Variants in IGFBPL1 observed in about 807,000 individuals in gnomAD.
IGFBPL1 encodes insulin like growth factor binding protein like 1.
In IGFBPL1, 20 loss-of-function variants were observed where a neutral mutation model predicts 23.9. The observed-to-expected ratio is 0.84, with a 90% CI of 0.59 to 1.22. The LOEUF is 1.22. Ranked by LOEUF, IGFBPL1 falls within the 50% of genes most tolerant of loss-of-function variation. IGFBPL1 has a pLI of 0.00. For missense variants in IGFBPL1, 436 were observed against 379.3 expected (o/e 1.15, Z -1.24); for synonymous variants, 184 against 171.8 (o/e 1.07, Z -0.56).
In IGFBPL1 at chr9:38,422,738, C is replaced by T. The variant is rs184386318; in HGVS notation, c.460+1227G>A. Among the ~76,000 whole-genome samples the T allele has an allele frequency of 5.3e-5, 8 of 152,350 alleles. No individual in the cohort carries two copies. In the East Asian group the frequency reaches 1.5e-3, roughly 29 times the overall value. On this transcript the variant is annotated intron_variant, in intron 1 of 4. Coordinates refer to ENST00000377694, the MANE Select transcript of IGFBPL1 (RefSeq NM_001007563.3). ...ACTTTCCTGTGCTCAACTGGCCACA[C>T]ACTGGTTTTACATTTCCCAGGACTG...
intron 1 of IGFBPL1, among the ~76,000 whole-genome samples, chr9:38,421,643 C>T (rs1256293454): frequency 7.9e-5 from 12 of 152,160 alleles, no homozygotes; most frequent in African/African-American, 2.9e-4. Context: ...TTTCCTTCAA[C>T]CGGGATCCCC....
chr9:38,422,168 C>T (rs1247993210), intron 1 of IGFBPL1, among the ~76,000 whole-genome samples: 4 of 152,240 alleles, frequency 2.6e-5, no homozygotes, highest in Non-Finnish European at 5.9e-5. Context: ...CAAAAGAGCA[C>T]TGGACAGGGT....
At chr9:38,420,969 T>A (rs1821670335) in intron 1 of IGFBPL1, among the ~76,000 whole-genome samples, 1 of 151,984 alleles carries the variant, frequency 6.6e-6, no homozygotes, top group African/African-American at 2.4e-5. Flanking sequence ...GAAGGAGACC[T>A]CCCCAGGACA....
chr9:38,419,133 G>GA (rs1422957820), intron 1 of IGFBPL1, among the ~76,000 whole-genome samples: 3 of 151,982 alleles, frequency 2.0e-5, no homozygotes, highest in East Asian at 3.9e-4. Flanking sequence ...TGGCTGGAAT[G>GA]AAAAAATCTT....
intron 4 of IGFBPL1, 32 bp downstream of exon 4, chr9:38,411,358 TG>T (rs1821510606): frequency 6.3e-7 from 1 of 1,578,590 alleles, no homozygotes; most frequent in African/African-American, 1.4e-5. Flanking sequence ...ATAACATGGG[TG>T]TAAAATACTG....
In IGFBPL1 at chr9:38,407,270, A is replaced by T. The variant is rs1391643458; in HGVS notation, c.*1957T>A. Reference sequence around the variant, plus strand: ...TTTCAAAGAGAGCTTCCAGTGTTTTAAAGTTTGAAAACCACTCATCTAGTT... The same window carrying T: ...TTTCAAAGAGAGCTTCCAGTGTTTTTAAGTTTGAAAACCACTCATCTAGTT... On this transcript the variant is annotated 3_prime_UTR_variant, in exon 5 of 5. Transcript: ENST00000377694. 6.6e-6 allele frequency among the ~76,000 whole-genome samples: 1 copy of T among 152,238 alleles called. No homozygotes were observed. The highest frequency in any genetic ancestry group is 1.5e-5 in the Non-Finnish European group (1 of 68,032).
At chr9:38,420,708 G>A (rs1008072920) in intron 1 of IGFBPL1, among the ~76,000 whole-genome samples, 1 of 152,150 alleles carries the variant, frequency 6.6e-6, no homozygotes, top group African/African-American at 2.4e-5. Flanking sequence ...GTGGTGGTGG[G>A]CGCCTGTAGT....
chr9:38,419,881 TCC>T (rs1821652311), intron 1 of IGFBPL1, among the ~76,000 whole-genome samples: 1 of 128,832 alleles, frequency 7.8e-6, no homozygotes, highest in Non-Finnish European at 1.8e-5. Context: ...CTCCTCCTCC[TCC>T]TCCTCCTCCT....
At chr9:38,414,642 G>C (rs770675858) in intron 1 of IGFBPL1, among the ~76,000 whole-genome samples, 2 of 152,174 alleles carry the variant, frequency 1.3e-5, no homozygotes, top group African/African-American at 2.4e-5. Context: ...CGTGGAGGGT[G>C]TTAGGAAGAA....
At chr9:38,417,108 C>A (rs1367065925) in intron 1 of IGFBPL1, among the ~76,000 whole-genome samples, 1 of 152,194 alleles carries the variant, frequency 6.6e-6, no homozygotes, top group Non-Finnish European at 1.5e-5. Flanking sequence ...ACAGCGCTCG[C>A]TGTGTGCTAA....
At chr9:38,409,238 AG>A (rs1821476517) in intron 4 of IGFBPL1, 21 bp from the exon 5 acceptor site, 1 of 152,230 alleles carries the variant, frequency 6.6e-6, no homozygotes, top group Non-Finnish European at 1.5e-5. Flanking sequence ...AAGGAGAGAA[AG>A]AATTAGAGAA....
rs115492856 is a variant in IGFBPL1 at position 38,407,123 on chromosome 9, G to A, written c.*2104C>T. Among the ~76,000 whole-genome samples the A allele has an allele frequency of 9.0e-3, 1,374 of 152,286 alleles. 18 individuals are homozygous for A. The highest frequency in any genetic ancestry group is 0.031 in the African/African-American group (1,296 of 41,542). ...CACATGGAAGTCAGTCACAGTGCGT[G>A]GAGAAGGGAGGGGCGGGAGGGGCTG... On this transcript the variant is annotated 3_prime_UTR_variant, in exon 5 of 5. Coordinates refer to ENST00000377694, the MANE Select transcript of IGFBPL1 (RefSeq NM_001007563.3).
intron 2 of IGFBPL1, 65 bp downstream of exon 2, chr9:38,414,025 CCTCT>C: frequency 3.4e-6 from 3 of 887,968 alleles, no homozygotes; most frequent in South Asian, 2.8e-5. Context: ...TCTGTTTCTC[CCTCT>C]TTCTCACACA....
chr9:38,416,787 G>A (rs917147209), intron 1 of IGFBPL1, among the ~76,000 whole-genome samples: 1 of 151,210 alleles, frequency 6.6e-6, no homozygotes, highest in Non-Finnish European at 1.5e-5. Flanking sequence ...CAATCCTCCT[G>A]CCTCAGCCTC....
At chr9:38,419,698 C>T (rs769742394) in intron 1 of IGFBPL1, among the ~76,000 whole-genome samples, 1 of 152,148 alleles carries the variant, frequency 6.6e-6, no homozygotes, top group Non-Finnish European at 1.5e-5. Flanking sequence ...AACTATCCAG[C>T]CTTTAAAGTA....
Position 38,407,807 on chromosome 9 carries a change from A to G in IGFBPL1, c.*1420T>C, listed in dbSNP as rs1821449001. ...GGGACATTAACACCTGTCCTGCCCC[A>G]TCTCCCAGAGTTGGGATCAAGCTTT... On this transcript the variant is annotated 3_prime_UTR_variant, in exon 5 of 5. Coordinates refer to ENST00000377694, the MANE Select transcript of IGFBPL1 (RefSeq NM_001007563.3). 6.6e-6 allele frequency among the ~76,000 whole-genome samples: 1 copy of G among 152,214 alleles called. No individual in the cohort carries two copies.
chr9:38,406,908 A>G lies in IGFBPL1; in HGVS notation c.*2319T>C, dbSNP rs1821437721. Among the ~76,000 whole-genome samples, 1 of 152,198 alleles carries G rather than the reference A, an allele frequency of 6.6e-6. No individual in the cohort carries two copies. The highest frequency in any genetic ancestry group is 6.5e-5 in the Admixed American group (1 of 15,280). ...TCTCTGGGTCTACATCCAGCCCTTC[A>G]GTTTTCACTAGGCAAATCTGAGGTG... On this transcript the variant is annotated 3_prime_UTR_variant, in exon 5 of 5. Transcript: ENST00000377694.
chr9:38,423,397 C>G (rs1195359510), intron 1 of IGFBPL1, among the ~76,000 whole-genome samples: 1 of 152,158 alleles, frequency 6.6e-6, no homozygotes, highest in Non-Finnish European at 1.5e-5. Flanking sequence ...GACCTTACGT[C>G]TCCAAAGGTC....
intron 1 of IGFBPL1, among the ~76,000 whole-genome samples, chr9:38,418,215 C>T (rs541204446): frequency 6.6e-6 from 1 of 152,332 alleles, no homozygotes; most frequent in Admixed American, 6.5e-5. Context: ...TGCTCAACGT[C>T]ATGGCTGCCA....
Sources: allele counts gnomAD v4.1 joint callset (sites outside exome capture counted in the v4.1 genomes callset), GRCh38; gene constraint gnomAD v4.1.1; transcripts MANE v1.5; gene names NCBI Gene and HGNC (gene_info 2026-07-23, HGNC 2026-07-21).